The following FANCC variants were observed in gnomAD, a reference collection of about 807,000 sequenced individuals.
FANCC encodes FA complementation group C.
Under a neutral mutation model 71.3 loss-of-function variants are expected in FANCC, and 55 were observed. The observed-to-expected ratio is 0.77, with a 90% CI of 0.62 to 0.97. FANCC has a LOEUF of 0.97. FANCC is among the 50% of genes least tolerant of loss of function. The probability of loss-of-function intolerance (pLI) is 0.00; values close to 1 mark genes in which losing one functional copy is unlikely to be tolerated. For synonymous variants in FANCC, 275 were observed against 244.9 expected, an observed-to-expected ratio of 1.12 and a Z score of -1.15; for missense variants, 678 against 670.9, an observed-to-expected ratio of 1.01 and a Z score of -0.12.
chr9:95,192,221 C>T (rs994765182), intron 4 of FANCC, among the ~76,000 whole-genome samples: 11 of 152,156 alleles, frequency 7.2e-5, no homozygotes, highest in Non-Finnish European at 1.2e-4. Flanking sequence ...GCAGGGACAA[C>T]GACCAAGGAC....
At chr9:95,304,438 T>A (rs1025711508) in intron 1 of FANCC, among the ~76,000 whole-genome samples, 3 of 151,816 alleles carry the variant, frequency 2.0e-5, no homozygotes, top group African/African-American at 7.3e-5. Flanking sequence ...CTCCACAACC[T>A]CTTTAATTTT....
chr9:95,242,728 T>C (rs1830711974), intron 3 of FANCC, among the ~76,000 whole-genome samples: 1 of 152,312 alleles, frequency 6.6e-6, no homozygotes, highest in South Asian at 2.1e-4. Flanking sequence ...CCAGAGTCAA[T>C]GCACTGAAAT....
In FANCC at chr9:95,150,012, C is replaced by A. The variant is rs2135427633; in HGVS notation, c.597G>T (p.Leu199=). The A allele has an allele frequency of 6.2e-7, 1 of 1,614,072 alleles. No homozygotes were observed. The highest frequency in any genetic ancestry group is 1.1e-5 in the South Asian group (1 of 91,044). Reference sequence around the variant, plus strand: ...CATGACAGATGAGGAGAGCCTCCACCAGGGGGTCAACATCTGTCAGGGTAA... The same window carrying A: ...CATGACAGATGAGGAGAGCCTCCACAAGGGGGTCAACATCTGTCAGGGTAA... ...PLITLTDVDP[L]VEALLICHGR... The change falls in exon 7 of 15, where the codon CTG becomes CTT. Residue 199 remains leucine, a synonymous_variant. Coordinates refer to ENST00000289081, the MANE Select transcript of FANCC (RefSeq NM_000136.3).
intron 1 of FANCC, among the ~76,000 whole-genome samples, chr9:95,269,703 C>T (rs1042503796): frequency 2.0e-5 from 3 of 152,122 alleles, no homozygotes; most frequent in African/African-American, 7.2e-5. Flanking sequence ...CACATACATT[C>T]CAGCCTGGTT....
At chr9:95,175,146 T>C (rs534592153) in intron 4 of FANCC, among the ~76,000 whole-genome samples, 11 of 152,166 alleles carry the variant, frequency 7.2e-5, no homozygotes, top group Middle Eastern at 6.8e-3. Flanking sequence ...TGCCTCCGTA[T>C]CCTTAAAAGA....
chr9:95,181,473 C>A (rs995170961), intron 4 of FANCC, among the ~76,000 whole-genome samples: 1 of 151,666 alleles, frequency 6.6e-6, no homozygotes, highest in East Asian at 1.9e-4. Flanking sequence ...AAACACAAAA[C>A]CATTAAAGAT....
At chr9:95,175,287 C>T (rs112174021) in intron 4 of FANCC, among the ~76,000 whole-genome samples, 2 of 147,870 alleles carry the variant, frequency 1.4e-5, no homozygotes, top group South Asian at 2.2e-4. Flanking sequence ...CAGTAGAAGA[C>T]GTTCATGATT....
intron 6 of FANCC, among the ~76,000 whole-genome samples, chr9:95,153,232 T>C (rs1473239460): frequency 6.6e-6 from 1 of 152,244 alleles, no homozygotes; most frequent in Non-Finnish European, 1.5e-5. Context: ...CCATATTTTC[T>C]TTATCCACTG....
intron 6 of FANCC, among the ~76,000 whole-genome samples, chr9:95,155,531 T>C (rs1830425451): frequency 6.6e-6 from 1 of 152,138 alleles, no homozygotes; most frequent in Non-Finnish European, 1.5e-5. Flanking sequence ...TTTATTTACA[T>C]CTTTTTTTGC....
At chr9:95,290,773 A>T (rs146663898) in intron 1 of FANCC, among the ~76,000 whole-genome samples, 1 of 152,326 alleles carries the variant, frequency 6.6e-6, no homozygotes, top group Non-Finnish European at 1.5e-5. Context: ...AAGACACAAA[A>T]AGAAAATCAT....
At chr9:95,267,690 A>G (rs1588388603) in intron 1 of FANCC, among the ~76,000 whole-genome samples, 1 of 152,206 alleles carries the variant, frequency 6.6e-6, no homozygotes, top group Non-Finnish European at 1.5e-5. Context: ...AGACACTAAA[A>G]TAATCCCAAC....
In FANCC at chr9:95,154,300, A is replaced by G. The variant is rs1161793277; in HGVS notation, c.522-4213T>C. On this transcript the variant is annotated intron_variant, in intron 6 of 14. Transcript: ENST00000289081. ...TAGTGGGAAATCCATCAGATTACAGAGAAAAGAGAACTCCAGGATGTTTCT... is the reference window on the plus strand; with the variant it reads ...TAGTGGGAAATCCATCAGATTACAGGGAAAAGAGAACTCCAGGATGTTTCT... 3.3e-5 allele frequency among the ~76,000 whole-genome samples: 5 copies of G among 151,212 alleles called. No homozygotes were observed. The East Asian group carries it at 9.7e-4, about 29-fold the overall frequency.
chr9:95,107,900 A>G (rs1411237604), intron 13 of FANCC, among the ~76,000 whole-genome samples: 1 of 152,236 alleles, frequency 6.6e-6, no homozygotes, highest in Admixed American at 6.5e-5. Context: ...AATGGTAATT[A>G]TAAGTCTGCA....
At chr9:95,193,218 A>C (rs1250656687) in intron 4 of FANCC, among the ~76,000 whole-genome samples, 2 of 152,212 alleles carry the variant, frequency 1.3e-5, no homozygotes, top group African/African-American at 4.8e-5. Flanking sequence ...TTAGATAAGC[A>C]AGGGGGCGCT....
intron 7 of FANCC, among the ~76,000 whole-genome samples, chr9:95,141,985 G>GTTTTTTT (rs1163083695): frequency 5.1e-4 from 42 of 83,158 alleles, no homozygotes; most frequent in East Asian, 8.2e-4. Flanking sequence ...AGTTTGTGGG[G>GTTTTTTT]TTTTTTTTTT....
At chr9:95,149,741 A>T (rs1022325278) in intron 7 of FANCC, among the ~76,000 whole-genome samples, 182 bp downstream of exon 7, 1 of 152,098 alleles carries the variant, frequency 6.6e-6, no homozygotes, top group African/African-American at 2.4e-5. Context: ...GGCCTCCCAA[A>T]GTGCTGGGAT....
chr9:95,188,693 C>G (rs1283544380), intron 4 of FANCC, among the ~76,000 whole-genome samples: 1 of 152,180 alleles, frequency 6.6e-6, no homozygotes, highest in East Asian at 1.9e-4. Context: ...TTCTCAGTAA[C>G]TTCTCTCTTT....
At position 95,249,082 on chromosome 9, in the gene FANCC, C is replaced by T. The variant is rs371393946; in HGVS notation, c.165+45G>A. 22 of 1,600,448 alleles carry T rather than the reference C, an allele frequency of 1.4e-5. 1 individual carries two copies. In the African/African-American group the frequency reaches 2.4e-4, roughly 18 times the overall value. On this transcript the variant is annotated intron_variant, in intron 2 of 14. Coordinates refer to ENST00000289081, the MANE Select transcript of FANCC (RefSeq NM_000136.3). Reference sequence around the variant, plus strand: ...CTGTCTTGGTGAAATCTGGTAGAGTCCCTGAAGTCAGAAAATAATTTCATT... The same window carrying T: ...CTGTCTTGGTGAAATCTGGTAGAGTTCCTGAAGTCAGAAAATAATTTCATT...
At chr9:95,153,586 G>T (rs1404426983) in intron 6 of FANCC, among the ~76,000 whole-genome samples, 1 of 152,150 alleles carries the variant, frequency 6.6e-6, no homozygotes, top group Non-Finnish European at 1.5e-5. Flanking sequence ...TCGTGATGTT[G>T]AGCATTTTTT....
Sources: gnomAD v4.1 joint callset for allele counts (sites outside exome capture counted in the v4.1 genomes callset) on GRCh38, gnomAD v4.1.1 for gene constraint, MANE v1.5 for transcripts, NCBI Gene and HGNC (gene_info 2026-07-23, HGNC 2026-07-21) for gene names.